Variants in SERGEF observed in about 807,000 individuals in gnomAD.
SERGEF encodes secretion regulating guanine nucleotide exchange factor, also known as secretion-regulating guanine nucleotide exchange factor.
SERGEF carries 51 observed loss-of-function variants against 50.0 expected under a neutral mutation model. The observed-to-expected ratio is 1.02, with a 90% CI of 0.81 to 1.29. The LOEUF is 1.29. SERGEF is among the 50% of genes most tolerant of loss of function. The pLI, the probability that SERGEF is intolerant of heterozygous loss-of-function variation, is 0.00. For missense variants in SERGEF, 521 were observed against 557.0 expected (o/e 0.94, Z 0.65); for synonymous variants, 205 against 212.4 (o/e 0.97, Z 0.30).
At chr11:17,857,594 C>T (rs1044843705) in intron 10 of SERGEF, among the ~76,000 whole-genome samples, 5 of 152,192 alleles carry the variant, frequency 3.3e-5, no homozygotes, top group Non-Finnish European at 4.4e-5. Context: ...TAGTAAATTT[C>T]CTTCACAAGA....
chr11:17,977,664 C>A (rs974141520), intron 8 of SERGEF, among the ~76,000 whole-genome samples: 3 of 152,288 alleles, frequency 2.0e-5, no homozygotes, highest in African/African-American at 7.2e-5. Context: ...AAATCCTAAC[C>A]CTTAATATTA....
rs560874909 is a variant in SERGEF, at chr11:17,878,203, C to T, written c.1048+5G>A. The T allele has an allele frequency of 4.5e-6, 7 of 1,570,472 alleles. No homozygotes were observed. In the South Asian group the frequency reaches 5.7e-5, roughly 13 times the overall value. On this transcript the variant is annotated splice_donor_5th_base_variant and intron_variant, in intron 10 of 10. Transcript: ENST00000265965. ...GAAACAGTTATCAGTATAAAAATTACTTACCAATTATTGCCAAATTATGCT... is the reference window on the plus strand; with the variant it reads ...GAAACAGTTATCAGTATAAAAATTATTTACCAATTATTGCCAAATTATGCT...
chr11:17,998,444 T>C (rs10766448), intron 5 of SERGEF, among the ~76,000 whole-genome samples: 1,259 of 4,582 alleles, frequency 0.27, 5 homozygotes, highest in East Asian at 0.38. Context: ...TACATACATA[T>C]ATATATATAT....
At chr11:17,816,767 C>G (rs567931791) in intron 10 of SERGEF, among the ~76,000 whole-genome samples, 1 of 152,142 alleles carries the variant, frequency 6.6e-6, no homozygotes, top group Non-Finnish European at 1.5e-5. Context: ...GAGACAAGAT[C>G]CAGAATCAGC....
chr11:17,926,466 G>A (rs753145769), intron 9 of SERGEF, among the ~76,000 whole-genome samples: 30 of 152,264 alleles, frequency 2.0e-4, no homozygotes, highest in Non-Finnish European at 2.8e-4. Context: ...CTGGCTCCAC[G>A]TCCACACCAG....
intron 9 of SERGEF, among the ~76,000 whole-genome samples, chr11:17,917,705 G>C (rs947545646): frequency 1.3e-5 from 2 of 152,178 alleles, no homozygotes; most frequent in Admixed American, 6.5e-5. Context: ...ACAGGCTATA[G>C]TTCGAGAACC....
At chr11:17,843,930 T>G (rs1382474985) in intron 10 of SERGEF, among the ~76,000 whole-genome samples, 1 of 152,198 alleles carries the variant, frequency 6.6e-6, no homozygotes, top group Non-Finnish European at 1.5e-5. Flanking sequence ...CCTGGCTACA[T>G]CACCTGGAAT....
At chr11:17,816,120 G>A (rs1036941480) in intron 10 of SERGEF, among the ~76,000 whole-genome samples, 1 of 152,146 alleles carries the variant, frequency 6.6e-6, no homozygotes, top group African/African-American at 2.4e-5. Context: ...TGCTCAGGTA[G>A]AGCAAATGAA....
chr11:17,935,222 T>C (rs371623748), intron 9 of SERGEF, among the ~76,000 whole-genome samples: 214 of 152,322 alleles, frequency 1.4e-3, no homozygotes, highest in African/African-American at 4.9e-3. Context: ...AATAAAAGAA[T>C]GTTCCCAGCA....
At chr11:17,805,811 T>C (rs1363254986) in intron 10 of SERGEF, among the ~76,000 whole-genome samples, 2 of 152,210 alleles carry the variant, frequency 1.3e-5, no homozygotes, top group African/African-American at 4.8e-5. Flanking sequence ...TCAGTGTCTT[T>C]ATCCATAACA....
chr11:17,892,506 G>GACCAGAAGAACCACTT (rs1380695734), intron 9 of SERGEF, among the ~76,000 whole-genome samples: 3 of 152,146 alleles, frequency 2.0e-5, no homozygotes, highest in African/African-American at 4.8e-5. Context: ...GACCTGCCAA[G>GACCAGAAGAACCACTT]ACCAGAAGAA....
chr11:17,794,433 A>G (rs934142028), intron 10 of SERGEF, among the ~76,000 whole-genome samples: 1 of 152,160 alleles, frequency 6.6e-6, no homozygotes, highest in East Asian at 1.9e-4. Flanking sequence ...AGGTACTACT[A>G]CGTCCATTTT....
At chr11:17,870,584 T>G (rs1851120736) in intron 10 of SERGEF, among the ~76,000 whole-genome samples, 1 of 152,218 alleles carries the variant, frequency 6.6e-6, no homozygotes, top group African/African-American at 2.4e-5. Flanking sequence ...ACCTCAAACT[T>G]GAAGATAATA....
chr11:17,989,815 T>C (rs1853676220), intron 7 of SERGEF, among the ~76,000 whole-genome samples: 1 of 152,192 alleles, frequency 6.6e-6, no homozygotes, highest in Non-Finnish European at 1.5e-5. Context: ...TGCAAAGACT[T>C]AGTGCAAAAA....
At chr11:17,962,675 T>C (rs1219082631) in intron 8 of SERGEF, among the ~76,000 whole-genome samples, 1 of 152,110 alleles carries the variant, frequency 6.6e-6, no homozygotes, top group East Asian at 1.9e-4. Context: ...CCAAGAAGTA[T>C]AGACTGCAAA....
chr11:17,835,620 C>G (rs948027895), intron 10 of SERGEF, among the ~76,000 whole-genome samples: 1 of 152,176 alleles, frequency 6.6e-6, no homozygotes, highest in African/African-American at 2.4e-5. Flanking sequence ...AGCACAAAAC[C>G]TTGCTCATAG....
At chr11:17,924,945 G>A (rs1319800418) in intron 9 of SERGEF, among the ~76,000 whole-genome samples, 3 of 152,136 alleles carry the variant, frequency 2.0e-5, no homozygotes, top group Non-Finnish European at 4.4e-5. Context: ...AGTCACCACT[G>A]ATGGTTAGAT....
intron 9 of SERGEF, among the ~76,000 whole-genome samples, chr11:17,893,816 T>C (rs1851576334): frequency 6.6e-6 from 1 of 152,126 alleles, no homozygotes; most frequent in Non-Finnish European, 1.5e-5. Flanking sequence ...GAATAAACTA[T>C]CACTCAAACC....
At chr11:17,823,644 A>C (rs1384679083) in intron 10 of SERGEF, among the ~76,000 whole-genome samples, 1 of 152,148 alleles carries the variant, frequency 6.6e-6, no homozygotes, top group East Asian at 1.9e-4. Context: ...CCCTACAGTC[A>C]AGCACGGGGC....
Sources: gnomAD v4.1 joint callset for allele counts (sites outside exome capture counted in the v4.1 genomes callset) on GRCh38, gnomAD v4.1.1 for gene constraint, MANE v1.5 for transcripts, NCBI Gene and HGNC (gene_info 2026-07-23, HGNC 2026-07-21) for gene names.